The following TJP1 variants were observed in gnomAD, a reference collection of about 807,000 sequenced individuals.
The protein encoded by TJP1 is tight junction protein ZO-1.
Under a neutral mutation model 194.2 loss-of-function variants are expected in TJP1, and 43 were observed. That is an observed-to-expected ratio of 0.22 (90% CI 0.17 to 0.29). The LOEUF is 0.29. Among genes scored for constraint, TJP1 ranks in the 10% least tolerant of loss-of-function variants. The probability of loss-of-function intolerance (pLI) is 1.00; values close to 1 mark genes in which losing one functional copy is unlikely to be tolerated. For synonymous variants in TJP1, 801 were observed against 779.0 expected (o/e 1.03, Z -0.47); for missense variants, 1,971 against 2,185.7 (o/e 0.90, Z 1.96).
intron 2 of TJP1, among the ~76,000 whole-genome samples, chr15:29,891,700 T>C (rs2053314417): frequency 6.6e-6 from 1 of 152,226 alleles, no homozygotes; most frequent in South Asian, 2.1e-4. Flanking sequence ...GTTACCACTG[T>C]AATTGTTTTG....
chr15:29,787,492 A>G (rs1196836477), intron 2 of TJP1, among the ~76,000 whole-genome samples: 1 of 151,824 alleles, frequency 6.6e-6, no homozygotes, highest in African/African-American at 2.4e-5. Flanking sequence ...CTAAAAAGAA[A>G]CTCCGCATTC....
rs146393370 is a variant in TJP1, at chr15:29,875,268, T to C, written c.307-74566A>G. On this transcript the variant is annotated intron_variant, in intron 2 of 28. Coordinates refer to the TJP1 transcript ENST00000356107. ...GGCCATCCGCAGAATAGGCAGAAGA[T>C]AAGCCTCTAATCTGTACTTTTCAAC... is the stretch of plus-strand genomic sequence containing the variant. Among the ~76,000 whole-genome samples the C allele has an allele frequency of 1.1e-4, 17 of 152,346 alleles. 2 individuals are homozygous for C. The East Asian group carries it at 3.1e-3, about 28-fold the overall frequency.
chr15:29,825,850 T>C (rs1179575980), upstream of TJP1, among the ~76,000 whole-genome samples: 3 of 152,138 alleles, frequency 2.0e-5, no homozygotes, highest in Admixed American at 6.5e-5. Context: ...ATTCTACAAA[T>C]TGTTACAGAA....
chr15:29,729,071 A>G (rs1396088196), intron 15 of TJP1: 1 of 152,206 alleles, frequency 6.6e-6, no homozygotes, highest in African/African-American at 2.4e-5. Context: ...TGCTTTTCCC[A>G]TATCTAAAAA....
chr15:29,860,499 A>C (rs1013451302), intron 2 of TJP1, among the ~76,000 whole-genome samples: 2 of 152,172 alleles, frequency 1.3e-5, no homozygotes, highest in Admixed American at 6.5e-5. Context: ...CATTCTGAAC[A>C]TTTCATATAA....
At chr15:29,817,739 A>ACGCAGACGTTTATCACACATAT (rs2050026861) in intron 1 of TJP1, among the ~76,000 whole-genome samples, 1 of 152,196 alleles carries the variant, frequency 6.6e-6, no homozygotes, top group South Asian at 2.1e-4. Context: ...CCAGAACAGA[A>ACGCAGACGTTTATCACACATAT]AACCAAACAC....
intron 2 of TJP1, among the ~76,000 whole-genome samples, chr15:29,844,570 G>T (rs971636686): frequency 6.6e-6 from 1 of 152,126 alleles, no homozygotes; most frequent in African/African-American, 2.4e-5. Context: ...AGGGTAGACT[G>T]GATGCATGGT....
At chr15:29,896,721 A>G (rs1316810609) in intron 2 of TJP1, among the ~76,000 whole-genome samples, 3 of 152,174 alleles carry the variant, frequency 2.0e-5, no homozygotes, top group African/African-American at 7.2e-5. Flanking sequence ...TCAGATGGAG[A>G]TGAGGAACTT....
chr15:29,725,753 AG>A (rs1222533330), intron 18 of TJP1, among the ~76,000 whole-genome samples: 1 of 152,234 alleles, frequency 6.6e-6, no homozygotes, highest in Non-Finnish European at 1.5e-5. Context: ...AAAGCCAGGA[AG>A]GATCTATTGC....
intron 1 of TJP1, among the ~76,000 whole-genome samples, chr15:29,816,369 C>T (rs759761992): frequency 1.3e-5 from 2 of 152,016 alleles, no homozygotes; most frequent in African/African-American, 2.4e-5. Context: ...CAATATATAA[C>T]CTGGGGGGGA....
chr15:29,756,276 A>G (rs1022143419), intron 8 of TJP1, among the ~76,000 whole-genome samples: 1 of 152,224 alleles, frequency 6.6e-6, no homozygotes, highest in Non-Finnish European at 1.5e-5. Context: ...GAAATACAAA[A>G]CAAAGCAAAC....
Position 29,720,032 on chromosome 15 carries a change from A to T in TJP1, c.2764-16T>A. On this transcript the variant is annotated splice_polypyrimidine_tract_variant and intron_variant, in intron 19 of 27. Coordinates refer to ENST00000614355, the MANE Select transcript of TJP1 (RefSeq NM_001330239.4). Reference sequence around the variant, plus strand: ...CTTCTGCTTTCTGTGAAGTGTTTAAAATATTTTAAATATAGTGTTTCTGTT... The same window carrying T: ...CTTCTGCTTTCTGTGAAGTGTTTAATATATTTTAAATATAGTGTTTCTGTT... 4 of 1,574,838 alleles carry T rather than the reference A, an allele frequency of 2.5e-6. No individual in the cohort carries two copies. Among genetic ancestry groups the T allele is most frequent in the Non-Finnish European group, 3.4e-6 (4 of 1,165,046 alleles).
intron 1 of TJP1, among the ~76,000 whole-genome samples, chr15:29,816,922 A>G (rs2049965389): frequency 6.6e-6 from 1 of 152,208 alleles, no homozygotes; most frequent in Admixed American, 6.5e-5. Flanking sequence ...TGATGAAAAC[A>G]CCAAAAGCAA....
intron 2 of TJP1, among the ~76,000 whole-genome samples, chr15:29,834,427 C>A (rs185352213): frequency 9.9e-5 from 15 of 152,148 alleles, no homozygotes; most frequent in Admixed American, 3.9e-4. Flanking sequence ...ACCATCGTGG[C>A]CAGGCTGTTC....
At chr15:29,811,290 G>T (rs924338000) in intron 1 of TJP1, among the ~76,000 whole-genome samples, 2 of 151,938 alleles carry the variant, frequency 1.3e-5, no homozygotes, top group African/African-American at 4.8e-5. Flanking sequence ...TGTGTGTAGC[G>T]GGGCGGGGGA....
chr15:29,731,967 T>G (rs1011478145), intron 15 of TJP1, among the ~76,000 whole-genome samples: 4 of 152,152 alleles, frequency 2.6e-5, no homozygotes, highest in African/African-American at 9.7e-5. Flanking sequence ...TTTTAACTAT[T>G]TGTGTATTTG....
At chr15:29,721,033 C>A (rs769594683) in intron 18 of TJP1, among the ~76,000 whole-genome samples, 1 of 152,166 alleles carries the variant, frequency 6.6e-6, no homozygotes, top group Non-Finnish European at 1.5e-5. Flanking sequence ...AGCTCTTCAG[C>A]CCTTTTAAGC....
chr15:29,811,230 C>T (rs2049477015), intron 1 of TJP1, among the ~76,000 whole-genome samples: 1 of 152,034 alleles, frequency 6.6e-6, no homozygotes. Context: ...TGATCTTTTA[C>T]TCTAAAGGTA....
chr15:29,795,586 T>C (rs1228792181), intron 2 of TJP1, among the ~76,000 whole-genome samples: 2 of 152,068 alleles, frequency 1.3e-5, no homozygotes, highest in African/African-American at 4.8e-5. Context: ...TAGTGAATTC[T>C]AACAAATATT....
Sources: allele counts gnomAD v4.1 joint callset (sites outside exome capture counted in the v4.1 genomes callset), GRCh38; gene constraint gnomAD v4.1.1; transcripts MANE v1.5; gene names NCBI Gene and HGNC (gene_info 2026-07-23, HGNC 2026-07-21).